The following CD226 variants were observed in gnomAD, a reference collection of about 807,000 sequenced individuals.
The protein encoded by CD226 is CD226 molecule.
In CD226, 24 loss-of-function variants were observed where a neutral mutation model predicts 34.9. The ratio of observed to expected loss-of-function variants is 0.69; its 90% CI spans 0.50 to 0.97. CD226 has a LOEUF of 0.97. Among genes scored for constraint, CD226 ranks in the 50% least tolerant of loss-of-function variants. CD226 has a pLI of 0.00. For synonymous variants in CD226, 148 were observed against 147.4 expected (o/e 1.00, Z -0.03); for missense variants, 397 against 412.7 (o/e 0.96, Z 0.33).
chr18:69,890,209 T>G (rs1568172020), intron 3 of CD226, among the ~76,000 whole-genome samples: 1 of 152,226 alleles, frequency 6.6e-6, no homozygotes, highest in Non-Finnish European at 1.5e-5. Context: ...GAACACTTAC[T>G]GGGCATATTC....
rs1482868404 is a variant in CD226 at position 69,856,690 on chromosome 18, C to A, written c.*7624G>T. ...CCCAAAATATATAGAGATTAAACAA[C>A]ACATTGTAAATAATTCATGGCTCAA... is the stretch of plus-strand genomic sequence containing the variant. On this transcript the variant is annotated 3_prime_UTR_variant, in exon 6 of 6. Transcript: ENST00000582621. 3.3e-5 allele frequency: 5 copies of A among 151,940 alleles called. No homozygotes were observed. The highest frequency in any genetic ancestry group is 2.6e-4 in the Admixed American group (4 of 15,258). 9.4% of individuals were successfully genotyped at this position (151,940 alleles called of 1,614,324 possible). A position where few individuals can be genotyped will look rare whatever the true frequency, so the allele number is the denominator to read the frequency against.
At position 69,853,661 on chromosome 18, in the gene CD226, T is replaced by C. The variant is rs1982536038; in HGVS notation, c.*10653A>G. The C allele has an allele frequency of 1.3e-5, 2 of 152,234 alleles. No homozygotes were observed. Among genetic ancestry groups the C allele is most frequent in the Non-Finnish European group, 2.9e-5 (2 of 68,048 alleles). 9.4% of individuals were successfully genotyped at this position (152,234 alleles called of 1,614,324 possible). ...ATCTGGTGCTTTAGACTGAGCTCTG[T>C]GATGAGTGAGCATCCCCAGCAGTTC... On this transcript the variant is annotated 3_prime_UTR_variant, in exon 6 of 6. Coordinates refer to ENST00000582621, the MANE Select transcript of CD226 (RefSeq NM_001303618.2).
chr18:69,903,134 G>A (rs1238564702), intron 2 of CD226, among the ~76,000 whole-genome samples: 2 of 152,162 alleles, frequency 1.3e-5, no homozygotes, highest in Non-Finnish European at 2.9e-5. Context: ...CAGTGTGGGA[G>A]GACATACTGA....
chr18:69,895,573 C>A, intron 3 of CD226, 128 bp downstream of exon 3: 1 of 702,080 alleles, frequency 1.4e-6, no homozygotes, highest in South Asian at 1.8e-5. Flanking sequence ...CACCTAAATT[C>A]AGCCATTTAA....
rs1982879499 is a variant in CD226 at position 69,862,502 on chromosome 18, A to G, written c.*1812T>C. On this transcript the variant is annotated 3_prime_UTR_variant, in exon 6 of 6. Transcript: ENST00000582621. ...GTGGAAACATTTCATGAATCCAGGT[A>G]TAAAAAGATCTTTAAGCAAACATAA... 1 of 152,186 alleles carries G rather than the reference A, an allele frequency of 6.6e-6. No individual in the cohort carries two copies. Among genetic ancestry groups the G allele is most frequent in the Admixed American group, 6.5e-5 (1 of 15,278 alleles). The allele number at this position is 152,186 out of a possible 1,614,324, so 9.4% of individuals were successfully genotyped here. A position where few individuals can be genotyped will look rare whatever the true frequency, so the allele number is the denominator to read the frequency against.
At chr18:69,946,256 A>G (rs913942949) in intron 2 of CD226, among the ~76,000 whole-genome samples, 13 of 150,366 alleles carry the variant, frequency 8.6e-5, no homozygotes, top group Non-Finnish European at 1.8e-4. Flanking sequence ...AAAAGAAAGA[A>G]AGAGAGAGAG....
intron 2 of CD226, among the ~76,000 whole-genome samples, chr18:69,923,908 C>T (rs1183526902): frequency 1.1e-4 from 16 of 150,340 alleles, no homozygotes; most frequent in African/African-American, 2.5e-4. Context: ...GAGCCGAGAT[C>T]GCGCCACTGC....
chr18:69,934,651 C>T (rs943515608), intron 2 of CD226, among the ~76,000 whole-genome samples: 2 of 151,944 alleles, frequency 1.3e-5, no homozygotes, highest in African/African-American at 4.8e-5. Flanking sequence ...CTCTTTCTCT[C>T]GAGGCAGATT....
In CD226 at chr18:69,873,223, G is replaced by A; in HGVS notation, c.751C>T (p.Leu251Phe). 6.2e-7 allele frequency: 1 copy of A among 1,604,478 alleles called. No individual in the cohort carries two copies. The highest frequency in any genetic ancestry group is 8.5e-7 in the Non-Finnish European group (1 of 1,171,520). Residue 251 changes from leucine (L) to phenylalanine (F), a missense_variant, in exon 4 of 6, where the codon CTC becomes TTC. Transcript: ENST00000582621. Reference sequence around the variant, plus strand: ...AAAACTGTCCCTCCAGCCACAAAGAGGGTATATTGGTTATCGGTTTTACCT... The same window carrying A: ...AAAACTGTCCCTCCAGCCACAAAGAAGGTATATTGGTTATCGGTTTTACCT... ...AEGKTDNQYT[L>F]FVAGGTVLLL...
chr18:69,884,620 A>G (rs780938207), intron 3 of CD226, among the ~76,000 whole-genome samples: 1 of 152,270 alleles, frequency 6.6e-6, no homozygotes. Context: ...TTACCTCCCA[A>G]TTTCTGAGAG....
chr18:69,860,503 G>C lies in CD226; in HGVS notation c.*3811C>G, dbSNP rs1469362960. 1 of 152,150 alleles carries C rather than the reference G, an allele frequency of 6.6e-6. No homozygotes were observed. The highest frequency in any genetic ancestry group is 1.5e-5 in the Non-Finnish European group (1 of 68,014). The allele number at this position is 152,150 out of a possible 1,614,324, so 9.4% of individuals were successfully genotyped here. A position where few individuals can be genotyped will look rare whatever the true frequency, so the allele number is the denominator to read the frequency against. ...GAATCTGGAAAAATATGTGTAAACC[G>C]ACCTTGAGGATTTATAAAATTTCCT... On this transcript the variant is annotated 3_prime_UTR_variant, in exon 6 of 6. Coordinates refer to ENST00000582621, the MANE Select transcript of CD226 (RefSeq NM_001303618.2).
rs576016075 is a variant in CD226 at position 69,927,837 on chromosome 18, G to A, written c.382+18897C>T. 1.2e-4 allele frequency among the ~76,000 whole-genome samples: 19 copies of A among 152,128 alleles called. No homozygotes were observed. The South Asian group carries it at 2.7e-3, about 22-fold the overall frequency. On this transcript the variant is annotated intron_variant, in intron 2 of 5. Coordinates refer to ENST00000582621, the MANE Select transcript of CD226 (RefSeq NM_001303618.2). Reference sequence around the variant, plus strand: ...CTGCATTTTGTCCATTTATTCCTCCGTAGACACTTAGGTTGCTTCTTCTTT... The same window carrying A: ...CTGCATTTTGTCCATTTATTCCTCCATAGACACTTAGGTTGCTTCTTCTTT...
chr18:69,906,876 C>T (rs926531098), intron 2 of CD226, among the ~76,000 whole-genome samples: 1 of 152,172 alleles, frequency 6.6e-6, no homozygotes, highest in African/African-American at 2.4e-5. Context: ...GCTCTACGGA[C>T]ACCTCCTGGG....
At chr18:69,931,514 C>CT (rs2055589117) in intron 2 of CD226, among the ~76,000 whole-genome samples, 1 of 152,056 alleles carries the variant, frequency 6.6e-6, no homozygotes, top group African/African-American at 2.4e-5. Flanking sequence ...TACAAAATAA[C>CT]TAAGTGTACT....
intron 4 of CD226, among the ~76,000 whole-genome samples, chr18:69,872,089 T>TGTGTGG (rs763335398): frequency 6.6e-6 from 1 of 150,390 alleles, no homozygotes; most frequent in Non-Finnish European, 1.5e-5. Flanking sequence ...TGTGTGTGTG[T>TGTGTGG]GGTGCATTTG....
Position 69,860,367 on chromosome 18 carries a change from T to G in CD226, c.*3947A>C, listed in dbSNP as rs1479232294. On this transcript the variant is annotated 3_prime_UTR_variant, in exon 6 of 6. Transcript: ENST00000582621. ...AAGTGTTCTGAACAGGTTGACCATA[T>G]AACTTATTCTAACAAGGATAATACG... The G allele has an allele frequency of 6.6e-6, 1 of 152,182 alleles. No homozygotes were observed. The highest frequency in any genetic ancestry group is 1.5e-5 in the Non-Finnish European group (1 of 68,016). 9.4% of individuals were successfully genotyped at this position (152,182 alleles called of 1,614,324 possible).
chr18:69,876,616 T>C (rs965441798), intron 3 of CD226, among the ~76,000 whole-genome samples: 4 of 152,142 alleles, frequency 2.6e-5, no homozygotes, highest in Admixed American at 6.5e-5. Flanking sequence ...TTGTGTTTTT[T>C]CTCTGCTCTC....
At chr18:69,894,349 T>A (rs1237592691) in intron 3 of CD226, among the ~76,000 whole-genome samples, 1 of 55,792 alleles carries the variant, frequency 1.8e-5, no homozygotes, top group Non-Finnish European at 3.3e-5. Context: ...AATAGTGCAG[T>A]GCTTTGGAAG....
chr18:69,876,790 C>A (rs1056631957), intron 3 of CD226, among the ~76,000 whole-genome samples: 4 of 151,414 alleles, frequency 2.6e-5, no homozygotes, highest in Admixed American at 2.6e-4. Flanking sequence ...CCAAAGACAT[C>A]TCACCCCCTC....
Sources: allele counts gnomAD v4.1 joint callset (sites outside exome capture counted in the v4.1 genomes callset), GRCh38; gene constraint gnomAD v4.1.1; transcripts MANE v1.5; gene names NCBI Gene and HGNC (gene_info 2026-07-23, HGNC 2026-07-21).